The following NKAIN2 variants were observed in gnomAD, a reference collection of about 807,000 sequenced individuals.
The protein encoded by NKAIN2 is sodium/potassium-transporting ATPase subunit beta-1-interacting protein 2.
A neutral mutation model predicts 32.6 loss-of-function variants in NKAIN2; 14 were observed. That is an observed-to-expected ratio of 0.43 (90% CI 0.28 to 0.67). The LOEUF (loss-of-function observed/expected upper bound fraction) is 0.67. Among genes scored for constraint, NKAIN2 ranks in the 30% least tolerant of loss-of-function variants. The pLI is 0.17. For synonymous variants in NKAIN2, 80 were observed against 87.2 expected (o/e 0.92, Z 0.46); for missense variants, 198 against 258.3 (o/e 0.77, Z 1.60).
At position 124,303,695 on chromosome 6, in the gene NKAIN2, T is replaced by C. The variant is rs1796391214; in HGVS notation, c.192+20553T>C. Among the ~76,000 whole-genome samples the C allele has an allele frequency of 2.0e-5, 3 of 152,298 alleles. No homozygotes were observed. The South Asian group carries it at 6.2e-4, about 32-fold the overall frequency. On this transcript the variant is annotated intron_variant, in intron 2 of 6. Coordinates refer to ENST00000368417, the MANE Select transcript of NKAIN2 (RefSeq NM_001040214.3). Reference sequence around the variant, plus strand: ...AGTTACTTTTGTCTCTACAGGGAAGTTATATGATCAGATATAATAATCAAT... The same window carrying C: ...AGTTACTTTTGTCTCTACAGGGAAGCTATATGATCAGATATAATAATCAAT...
intron 2 of NKAIN2, among the ~76,000 whole-genome samples, chr6:124,319,799 T>C (rs1285088646): frequency 1.3e-5 from 2 of 152,160 alleles, no homozygotes; most frequent in Admixed American, 1.3e-4. Context: ...TTCTGCCCTT[T>C]GTTATTTTGA....
At chr6:124,248,199 G>A (rs1254228053) in intron 1 of NKAIN2, among the ~76,000 whole-genome samples, 1 of 151,910 alleles carries the variant, frequency 6.6e-6, no homozygotes, top group Admixed American at 6.6e-5. Flanking sequence ...ATAGATTAGG[G>A]TTCTGAGACC....
intron 1 of NKAIN2, among the ~76,000 whole-genome samples, chr6:123,959,787 T>C (rs775651701): frequency 4.6e-5 from 7 of 151,862 alleles, no homozygotes; most frequent in Non-Finnish European, 8.8e-5. Context: ...CCTCTCTCTC[T>C]CTCATATATA....
At chr6:124,171,111 C>G (rs747305957) in intron 1 of NKAIN2, among the ~76,000 whole-genome samples, 4 of 152,054 alleles carry the variant, frequency 2.6e-5, no homozygotes, top group Non-Finnish European at 4.4e-5. Context: ...ACACTCAACT[C>G]TCACTTTTCC....
chr6:124,009,799 T>G (rs752389468), intron 1 of NKAIN2, among the ~76,000 whole-genome samples: 1 of 152,158 alleles, frequency 6.6e-6, no homozygotes, highest in Non-Finnish European at 1.5e-5. Flanking sequence ...CTAACGGTTT[T>G]TAGAAAGTGT....
chr6:124,719,912 A>C (rs1290639374), intron 4 of NKAIN2, among the ~76,000 whole-genome samples: 1 of 152,108 alleles, frequency 6.6e-6, no homozygotes, highest in African/African-American at 2.4e-5. Context: ...TAGCCTTTAC[A>C]AGTTAATCAA....
At chr6:124,276,738 A>G (rs974097987) in intron 1 of NKAIN2, among the ~76,000 whole-genome samples, 1 of 152,202 alleles carries the variant, frequency 6.6e-6, no homozygotes, top group Non-Finnish European at 1.5e-5. Flanking sequence ...ATAAAGACCT[A>G]GAATATCTTT....
chr6:124,013,356 A>G (rs1304891785), intron 1 of NKAIN2, among the ~76,000 whole-genome samples: 2 of 152,152 alleles, frequency 1.3e-5, no homozygotes, highest in African/African-American at 2.4e-5. Context: ...TTGTTGTACT[A>G]TTGAAGAAAT....
At chr6:124,050,123 T>C (rs1782335515) in intron 1 of NKAIN2, among the ~76,000 whole-genome samples, 1 of 151,920 alleles carries the variant, frequency 6.6e-6, no homozygotes, top group African/African-American at 2.4e-5. Flanking sequence ...CCCTCTTGCA[T>C]ATGGGGGAGC....
chr6:124,281,063 G>T lies in NKAIN2; in HGVS notation c.55-1942G>T, dbSNP rs1582982501. Among the ~76,000 whole-genome samples, 3 of 152,100 alleles carry T rather than the reference G, an allele frequency of 2.0e-5. No individual in the cohort carries two copies. In the South Asian group the frequency reaches 6.3e-4, roughly 32 times the overall value. On this transcript the variant is annotated intron_variant, in intron 1 of 6. Coordinates refer to ENST00000368417, the MANE Select transcript of NKAIN2 (RefSeq NM_001040214.3). ...TCTCTATATTTTTTATAATTAATAG[G>T]ACTGCTATTTTCTTTCATAATTGGT... is the stretch of plus-strand genomic sequence containing the variant.
chr6:124,592,812 G>A (rs1781958562), intron 3 of NKAIN2, among the ~76,000 whole-genome samples: 1 of 152,126 alleles, frequency 6.6e-6, no homozygotes, highest in Non-Finnish European at 1.5e-5. Flanking sequence ...TATAAAATAG[G>A]AGCATAGTAT....
intron 3 of NKAIN2, among the ~76,000 whole-genome samples, chr6:124,432,287 C>T (rs893626834): frequency 6.6e-6 from 1 of 152,148 alleles, no homozygotes; most frequent in Non-Finnish European, 1.5e-5. Context: ...CCCTCACAGG[C>T]AGGCAACATG....
At chr6:124,614,122 G>A (rs1782793846) in intron 3 of NKAIN2, among the ~76,000 whole-genome samples, 4 of 152,162 alleles carry the variant, frequency 2.6e-5, no homozygotes, top group South Asian at 2.1e-4. Flanking sequence ...GACTGGGCAC[G>A]GTGGCTCATG....
intron 4 of NKAIN2, among the ~76,000 whole-genome samples, chr6:124,668,377 C>T (rs1186505458): frequency 6.6e-6 from 1 of 151,952 alleles, no homozygotes; most frequent in East Asian, 1.9e-4. Flanking sequence ...TATTGATTTC[C>T]AATAGCTCTA....
chr6:124,558,629 G>C (rs982034711), intron 3 of NKAIN2, among the ~76,000 whole-genome samples: 5 of 151,766 alleles, frequency 3.3e-5, no homozygotes, highest in Non-Finnish European at 7.4e-5. Context: ...GAAGGAGAAA[G>C]AAACTTTTCT....
intron 4 of NKAIN2, among the ~76,000 whole-genome samples, chr6:124,771,480 A>G (rs1343014280): frequency 1.3e-5 from 2 of 152,180 alleles, no homozygotes; most frequent in Admixed American, 1.3e-4. Flanking sequence ...ATATAAGGAA[A>G]TATATGTAAG....
At chr6:124,486,141 A>C (rs976060967) in intron 3 of NKAIN2, among the ~76,000 whole-genome samples, 2 of 152,230 alleles carry the variant, frequency 1.3e-5, no homozygotes, top group Non-Finnish European at 2.9e-5. Context: ...TATAGCTTCA[A>C]TAACACAAAA....
rs538838062 is a variant in NKAIN2 at position 124,509,990 on chromosome 6, G to A, written c.274-148196G>A. Among the ~76,000 whole-genome samples the A allele has an allele frequency of 1.9e-4, 29 of 152,174 alleles. No individual in the cohort carries two copies. In the East Asian group the frequency reaches 3.3e-3, roughly 17 times the overall value. ...ATCTAACTGCTTACATATACACAAA[G>A]GGATGTTATTCTAAATCTATTCAAA... On this transcript the variant is annotated intron_variant, in intron 3 of 6. Transcript: ENST00000368417.
At chr6:123,863,475 G>A (rs922577910) in intron 1 of NKAIN2, among the ~76,000 whole-genome samples, 9 of 152,122 alleles carry the variant, frequency 5.9e-5, no homozygotes, top group East Asian at 3.9e-4. Context: ...GATAATTAAC[G>A]TGTAGAGGGA....
Sources: gnomAD v4.1 joint callset for allele counts (sites outside exome capture counted in the v4.1 genomes callset) on GRCh38, gnomAD v4.1.1 for gene constraint, MANE v1.5 for transcripts, NCBI Gene and HGNC (gene_info 2026-07-23, HGNC 2026-07-21) for gene names.